NAV3: variants seen among roughly 807,000 people sequenced by gnomAD.
NAV3 encodes neuron navigator 3.
NAV3 carries 87 observed loss-of-function variants against 244.7 expected under a neutral mutation model. That is an observed-to-expected ratio of 0.36 (90% CI 0.30 to 0.42). NAV3 has a LOEUF of 0.42. NAV3 is among the 20% of genes least tolerant of loss of function. The pLI is 1.00. For missense variants in NAV3, 2,663 were observed against 2,893.3 expected (o/e 0.92, Z 1.83); for synonymous variants, 1,126 against 1,042.2 (o/e 1.08, Z -1.55).
At position 78,128,711 on chromosome 12, in the gene NAV3, C is replaced by T. The variant is rs374767030; in HGVS notation, c.4286C>T (p.Thr1429Ile). Residue 1429 changes from threonine to isoleucine, a missense_variant, in exon 18 of 40, where the codon ACC (threonine) becomes ATC (isoleucine). Thr to Ile is a moderately conservative substitution (Grantham distance 89). Transcript: ENST00000397909. ...NTLPKKGLRY[T>I]PSSRQANQEE... ...ATAGCTGTGCTGTTTTGCAGATATA[C>T]CCCATCATCTCGGCAGGCCAACCAA... 2.9e-5 allele frequency: 47 copies of T among 1,613,440 alleles called. No homozygotes were observed. The highest frequency in any genetic ancestry group is 3.8e-5 in the Non-Finnish European group (45 of 1,179,780).
At chr12:77,872,631 A>G (rs2136472122) in intron 1 of NAV3, among the ~76,000 whole-genome samples, 1 of 152,306 alleles carries the variant, frequency 6.6e-6, no homozygotes, top group East Asian at 1.9e-4. Flanking sequence ...AATGTCTAAG[A>G]GAGGCCCAAG....
rs1241435051 is a variant in NAV3, at chr12:77,706,895, C to CA, written c.72+134642dup. Among the ~76,000 whole-genome samples, 695 of 99,990 alleles carry CA rather than the reference C, an allele frequency of 7.0e-3. 6 individuals carry two copies. The highest frequency in any genetic ancestry group is 9.7e-3 in the African/African-American group (249 of 25,648). 65.6% of individuals were successfully genotyped at this position (99,990 alleles called of 152,430 possible). On this transcript the variant is annotated intron_variant, in intron 2 of 8. Transcript: ENST00000550042. ...CAAAAAAAAAAAAAAAAAAAAAAAC[C>CA]AAAAAAAAAAAAACTAGGAAAAAAA...
At chr12:77,939,315 G>T (rs1464846039) in intron 1 of NAV3, among the ~76,000 whole-genome samples, 2 of 152,072 alleles carry the variant, frequency 1.3e-5, no homozygotes, top group Non-Finnish European at 2.9e-5. Flanking sequence ...TGCAAGGAAG[G>T]TCCTTCTCCT....
At chr12:77,776,756 G>A (rs1045874191) in intron 2 of NAV3, among the ~76,000 whole-genome samples, 12 of 152,248 alleles carry the variant, frequency 7.9e-5, no homozygotes, top group Non-Finnish European at 1.2e-4. Context: ...CGAGGTGGGC[G>A]GGTCACCAGA....
In NAV3 at chr12:77,798,351, A is replaced by G. The variant is rs149621284; in HGVS notation, c.73-141968A>G. Among the ~76,000 whole-genome samples the G allele has an allele frequency of 2.0e-3, 303 of 152,306 alleles. 1 individual carries two copies. The Middle Eastern group carries it at 0.024, about 12-fold the overall frequency. On this transcript the variant is annotated intron_variant, in intron 2 of 8. Transcript: ENST00000550042. ...TTTCCACTAATATTTTTTGAAACTC[A>G]TTGTTATTAAGATATATAAATAAAT...
chr12:77,712,232 C>A (rs1326532310), intron 2 of NAV3, among the ~76,000 whole-genome samples: 2 of 152,110 alleles, frequency 1.3e-5, no homozygotes. Flanking sequence ...TAAGGGGAAG[C>A]AGAGAGAGAC....
chr12:77,826,646 T>C (rs1873036249), upstream of NAV3, among the ~76,000 whole-genome samples: 1 of 152,154 alleles, frequency 6.6e-6, no homozygotes, highest in Non-Finnish European at 1.5e-5. Context: ...AACACATGGA[T>C]AAATCTCAAA....
At chr12:78,168,896 C>T (rs752998712) in intron 24 of NAV3, 30 bp downstream of exon 24, 1 of 1,461,146 alleles carries the variant, frequency 6.8e-7, no homozygotes, top group Non-Finnish European at 9.4e-7. Flanking sequence ...CATTTCCACC[C>T]AATATAATAG....
rs561532724 is a variant in NAV3 at position 77,846,010 on chromosome 12, G to A, written c.243+14306G>A. Among the ~76,000 whole-genome samples the A allele has an allele frequency of 9.2e-5, 14 of 152,188 alleles. No homozygotes were observed. The South Asian group carries it at 2.5e-3, about 27-fold the overall frequency. ...CAAAATACTAGCTTTACAATGCAGT[G>A]CACTCCAAAAAGCACATAAAGATTA... On this transcript the variant is annotated intron_variant, in intron 1 of 39. Transcript: ENST00000397909.
chr12:77,796,163 A>G (rs1238555580), intron 2 of NAV3, among the ~76,000 whole-genome samples: 2 of 152,148 alleles, frequency 1.3e-5, no homozygotes, highest in Non-Finnish European at 1.5e-5. Flanking sequence ...CTGGAAAAAA[A>G]TTGCCATTCT....
chr12:78,206,446 T>C (rs1960313313), intron 39 of NAV3, among the ~76,000 whole-genome samples: 1 of 152,196 alleles, frequency 6.6e-6, no homozygotes, highest in Non-Finnish European at 1.5e-5. Flanking sequence ...ATTCCAGTCC[T>C]ACCTCTGCAG....
At chr12:77,787,062 A>G (rs369388138) in intron 2 of NAV3, among the ~76,000 whole-genome samples, 26 of 152,174 alleles carry the variant, frequency 1.7e-4, no homozygotes, top group African/African-American at 5.1e-4. Context: ...GAGGTTGAAG[A>G]GAGGATAAAT....
intron 5 of NAV3, among the ~76,000 whole-genome samples, chr12:77,976,681 T>TC (rs1868482024): frequency 7.5e-6 from 1 of 132,576 alleles, no homozygotes; most frequent in Admixed American, 7.5e-5. Flanking sequence ...TTTCTTTTTT[T>TC]TTTTTTTTTT....
At chr12:78,005,759 A>G (rs928596882) in intron 7 of NAV3, among the ~76,000 whole-genome samples, 16 of 152,202 alleles carry the variant, frequency 1.1e-4, no homozygotes, top group African/African-American at 3.6e-4. Context: ...GGTTTCTACA[A>G]ATGGGAATTA....
At chr12:78,148,205 A>C (rs1956937848) in intron 21 of NAV3, among the ~76,000 whole-genome samples, 1 of 152,022 alleles carries the variant, frequency 6.6e-6, no homozygotes, top group Admixed American at 6.6e-5. Flanking sequence ...AGCATCTCTG[A>C]GCTAATAATA....
chr12:77,725,646 G>C (rs1876844220), intron 2 of NAV3, among the ~76,000 whole-genome samples: 1 of 151,704 alleles, frequency 6.6e-6, no homozygotes, highest in Non-Finnish European at 1.5e-5. Flanking sequence ...AAAAAAAAAA[G>C]TGAACTCTTC....
intron 2 of NAV3, among the ~76,000 whole-genome samples, chr12:77,760,920 C>A (rs553495389): frequency 1.3e-5 from 2 of 152,254 alleles, no homozygotes; most frequent in African/African-American, 2.4e-5. Context: ...GTGAAGCAAT[C>A]CCTGACCACT....
At chr12:77,856,914 G>GA (rs1364927179) in intron 1 of NAV3, among the ~76,000 whole-genome samples, 4 of 152,078 alleles carry the variant, frequency 2.6e-5, no homozygotes, top group African/African-American at 9.7e-5. Context: ...TTGGACAACG[G>GA]AAGGCTAGGA....
Position 78,122,029 on chromosome 12 carries a change from C to A in NAV3, c.3839C>A (p.Thr1280Asn). The A allele has an allele frequency of 8.7e-6, 14 of 1,614,216 alleles. No individual in the cohort carries two copies. The highest frequency in any genetic ancestry group is 1.1e-5 in the Non-Finnish European group (13 of 1,180,048). Reference protein sequence around the residue: ...KSSSVMPSPSTTLARQGSLES... With the variant: ...KSSSVMPSPSNTLARQGSLES... ...TCCTCAGTAATGCCCAGCCCTAGTA[C>A]CACATTAGCGCGGCAAGGCAGTCTG... Residue 1280 changes from threonine to asparagine, a missense_variant, in exon 16 of 40, where the codon ACC (threonine) becomes AAC (asparagine). By Grantham distance (65) the Thr-to-Asn change is moderately conservative. Around this residue, in one of 6 missense-constraint regions of NAV3, gnomAD observed 354 missense variants for 413.0 expected, o/e 0.86. Transcript: ENST00000397909.
Sources: gnomAD v4.1 joint callset for allele counts (sites outside exome capture counted in the v4.1 genomes callset) on GRCh38, gnomAD v4.1.1 for gene constraint, gnomAD v4.1.1 regional missense constraint, MANE v1.5 for transcripts, NCBI Gene and HGNC (gene_info 2026-07-23, HGNC 2026-07-21) for gene names.